The following RERE variants were observed in gnomAD, a reference collection of about 807,000 sequenced individuals.
RERE encodes the protein arginine-glutamic acid dipeptide repeats protein.
Under a neutral mutation model 146.1 loss-of-function variants are expected in RERE, and 40 were observed. The ratio of observed to expected loss-of-function variants is 0.27; its 90% CI spans 0.21 to 0.36. The LOEUF is 0.36. Ranked by LOEUF, RERE falls within the 10% of genes least tolerant of loss-of-function variation. The probability of loss-of-function intolerance (pLI) is 1.00; values close to 1 mark genes in which losing one functional copy is unlikely to be tolerated. For synonymous variants in RERE, 1,003 were observed against 866.0 expected (o/e 1.16, Z -2.78); for missense variants, 1,933 against 2,138.7 (o/e 0.90, Z 1.90).
chr1:8,357,532 A>G (rs993516335), intron 20 of RERE, among the ~76,000 whole-genome samples: 5 of 152,154 alleles, frequency 3.3e-5, no homozygotes, highest in Admixed American at 1.3e-4. Flanking sequence ...TCCAAGTCCC[A>G]TGGAGCAGGT....
chr1:8,804,602 C>T (rs559558757), intron 1 of RERE, among the ~76,000 whole-genome samples: 1 of 152,214 alleles, frequency 6.6e-6, no homozygotes, highest in African/African-American at 2.4e-5. Context: ...CTTGTGATTC[C>T]GTTATAATCG....
At chr1:8,383,865 T>TA (rs377762280) in intron 12 of RERE, among the ~76,000 whole-genome samples, 8 of 148,436 alleles carry the variant, frequency 5.4e-5, no homozygotes, top group African/African-American at 2.0e-4. Flanking sequence ...TCTCAAAAAA[T>TA]AAATAAAATA....
intron 4 of RERE, among the ~76,000 whole-genome samples, chr1:8,567,116 G>A (rs534804485): frequency 6.6e-5 from 10 of 152,244 alleles, no homozygotes; most frequent in South Asian, 4.1e-4. Flanking sequence ...TTTTTAAAGA[G>A]AAGTTAAGTA....
intron 11 of RERE, among the ~76,000 whole-genome samples, chr1:8,464,384 A>C (rs149381344): frequency 6.6e-6 from 1 of 152,066 alleles, no homozygotes; most frequent in Non-Finnish European, 1.5e-5. Flanking sequence ...GCTGCTTCTT[A>C]TCACGACCAC....
intron 10 of RERE, among the ~76,000 whole-genome samples, chr1:8,491,311 A>G (rs890929612): frequency 3.3e-5 from 5 of 152,012 alleles, no homozygotes; most frequent in African/African-American, 4.8e-5. Flanking sequence ...TTGGTGGCAC[A>G]TGCCTGCAAT....
chr1:8,408,173 G>A (rs764703530), intron 12 of RERE, among the ~76,000 whole-genome samples: 5 of 151,718 alleles, frequency 3.3e-5, no homozygotes, highest in Admixed American at 6.6e-5. Context: ...ATAATAAAAC[G>A]CTTAACCTTG....
chr1:8,717,806 C>T (rs1639791481), intron 1 of RERE, among the ~76,000 whole-genome samples: 1 of 152,084 alleles, frequency 6.6e-6, no homozygotes, highest in African/African-American at 2.4e-5. Context: ...CAAAAGAGTC[C>T]AATAATTCAC....
intron 11 of RERE, among the ~76,000 whole-genome samples, chr1:8,440,620 G>T (rs764423918): frequency 6.6e-6 from 1 of 150,554 alleles, no homozygotes; most frequent in African/African-American, 2.5e-5. Flanking sequence ...GGGCACGGTG[G>T]CTCCTGTCTG....
chr1:8,586,894 T>C (rs996488829), intron 4 of RERE, among the ~76,000 whole-genome samples: 1 of 152,094 alleles, frequency 6.6e-6, no homozygotes, highest in African/African-American at 2.4e-5. Context: ...TAATAGATAA[T>C]CCCTTCCCAG....
chr1:8,564,858 GTGTGTGTGTGTGTATA>G (rs1220881134), intron 4 of RERE, among the ~76,000 whole-genome samples: 28 of 137,538 alleles, frequency 2.0e-4, no homozygotes, highest in African/African-American at 3.8e-4. Flanking sequence ...GTGTGTGTGT[GTGTGTGTGTGTGTATA>G]TATATATATA....
chr1:8,397,882 T>C (rs764613157), intron 12 of RERE, among the ~76,000 whole-genome samples: 3 of 152,268 alleles, frequency 2.0e-5, no homozygotes, highest in African/African-American at 7.2e-5. Flanking sequence ...ACTGCAACTT[T>C]CAACTTTAAT....
At position 8,423,802 on chromosome 1, in the gene RERE, C is replaced by T. The variant is rs1008570066; in HGVS notation, c.1204-995G>A. ...GGAGGCAGGAGCGCGGCGCGCAGAG[C>T]CCGGCGCGGCCGCGGGCGGCTGCAA... is the stretch of plus-strand genomic sequence containing the variant. On this transcript the variant is annotated intron_variant, in intron 11 of 22. Transcript: ENST00000400908. This position sits in a 1 kb window ranked among gnomAD's most constrained non-coding sequence, Gnocchi z 5.4. 1.7e-6 allele frequency: 1 copy of T among 596,292 alleles called. No individual in the cohort carries two copies. 36.9% of individuals were successfully genotyped at this position (596,292 alleles called of 1,614,324 possible). A position where few individuals can be genotyped will look rare whatever the true frequency, so the allele number is the denominator to read the frequency against.
chr1:8,694,104 A>G (rs909055889), intron 1 of RERE, among the ~76,000 whole-genome samples: 2 of 151,812 alleles, frequency 1.3e-5, no homozygotes, highest in African/African-American at 4.8e-5. Context: ...TTTTCCATTC[A>G]AAGAGCCAGG....
intron 10 of RERE, among the ~76,000 whole-genome samples, chr1:8,468,552 C>T (rs978297728): frequency 1.3e-5 from 2 of 152,108 alleles, no homozygotes; most frequent in African/African-American, 4.8e-5. Flanking sequence ...GCAAAATTAA[C>T]AACTTTTATA....
intron 11 of RERE, among the ~76,000 whole-genome samples, chr1:8,462,338 C>A (rs114165659): frequency 1.3e-5 from 2 of 152,140 alleles, no homozygotes; most frequent in African/African-American, 4.8e-5. Flanking sequence ...GAAATAAGAC[C>A]GCAAGGAATG....
intron 15 of RERE, chr1:8,363,614 C>T (rs1290094904): frequency 5.8e-6 from 1 of 173,688 alleles, no homozygotes; most frequent in Admixed American, 5.6e-5. Context: ...AACAAAGTCT[C>T]TTTATGGGAG....
At chr1:8,633,348 A>G (rs1469523394) in intron 2 of RERE, among the ~76,000 whole-genome samples, 5 of 152,130 alleles carry the variant, frequency 3.3e-5, no homozygotes, top group African/African-American at 7.2e-5. Context: ...ACTTAAGCCC[A>G]GGAGGTTGAG....
In RERE at chr1:8,711,016, G is replaced by C. The variant is rs1455181937; in HGVS notation, c.-144-54575C>G. Among the ~76,000 whole-genome samples the C allele has an allele frequency of 2.6e-5, 4 of 151,814 alleles. No individual in the cohort carries two copies. The East Asian group carries it at 7.8e-4, about 30-fold the overall frequency. On this transcript the variant is annotated intron_variant, in intron 1 of 22. Transcript: ENST00000400908. The stretch of plus-strand genomic sequence containing the variant: ...CATTAAAATTACAAAAATTAGCTGG[G>C]CATGGTGGCGCATGCCTATAATCCC...
intron 11 of RERE, among the ~76,000 whole-genome samples, chr1:8,441,663 G>A (rs992704741): frequency 1.3e-5 from 2 of 152,068 alleles, no homozygotes; most frequent in Non-Finnish European, 2.9e-5. Context: ...GCATTATTAT[G>A]GAAAGAATTC....
Sources: allele counts gnomAD v4.1 joint callset (sites outside exome capture counted in the v4.1 genomes callset), GRCh38; gene constraint gnomAD v4.1.1; non-coding constraint Gnocchi (gnomAD v3.1); transcripts MANE v1.5; gene names NCBI Gene and HGNC (gene_info 2026-07-23, HGNC 2026-07-21).